Variants in RRM2 observed in about 807,000 individuals in gnomAD.
The protein encoded by RRM2 is ribonucleoside-diphosphate reductase subunit M2.
A neutral mutation model predicts 45.9 loss-of-function variants in RRM2; 6 were observed. That is an observed-to-expected ratio of 0.13 (90% CI 0.07 to 0.26). The LOEUF (loss-of-function observed/expected upper bound fraction) is 0.26. Among genes scored for constraint, RRM2 ranks in the 10% least tolerant of loss-of-function variants. The pLI is 1.00. For synonymous variants in RRM2, 177 were observed against 173.0 expected (o/e 1.02, Z -0.18); for missense variants, 343 against 489.5 (o/e 0.70, Z 2.82).
chr2:10,201,992 A>G (rs1002129305), intron 3 of RRM2, among the ~76,000 whole-genome samples: 24 of 152,344 alleles, frequency 1.6e-4, no homozygotes, highest in African/African-American at 5.5e-4. Flanking sequence ...TTTGACCACA[A>G]GGTAAGATTT....
downstream of RRM2, among the ~76,000 whole-genome samples, chr2:10,134,775 G>C (rs1662963661): frequency 6.6e-6 from 1 of 152,208 alleles, no homozygotes; most frequent in South Asian, 2.1e-4. Context: ...GTGGACTTGT[G>C]AGTTGGAAGG....
At chr2:10,209,060 T>TCTTTCTTTCTTTC (rs1553330325) in intron 3 of RRM2, among the ~76,000 whole-genome samples, 11 of 144,472 alleles carry the variant, frequency 7.6e-5, no homozygotes, top group African/African-American at 2.3e-4. Context: ...TTTCTTTCTT[T>TCTTTCTTTCTTTC]TTTTTTTTTT....
intron 3 of RRM2, among the ~76,000 whole-genome samples, chr2:10,176,903 A>T (rs573409687): frequency 6.6e-6 from 1 of 152,270 alleles, no homozygotes; most frequent in East Asian, 1.9e-4. Context: ...AGGGTAGGCA[A>T]TTGTTTCACT....
At position 10,184,475 on chromosome 2, in the gene RRM2, G is replaced by A. The variant is rs374372371; in HGVS notation, n.483-25836G>A. Reference sequence around the variant, plus strand: ...ACCACAAAAGCAATGAAAGTCTCACGTTGTGGGAGGCCCTGAGTCCTGGGC... The same window carrying A: ...ACCACAAAAGCAATGAAAGTCTCACATTGTGGGAGGCCCTGAGTCCTGGGC... On this transcript the variant is annotated intron_variant and non_coding_transcript_variant, in intron 3 of 3. Transcript: ENST00000381786. 2.0e-4 allele frequency among the ~76,000 whole-genome samples: 31 copies of A among 152,370 alleles called. 2 individuals carry two copies. The highest frequency in any genetic ancestry group is 1.2e-3 in the Admixed American group (19 of 15,302).
At position 10,123,449 on chromosome 2, in the gene RRM2, C is replaced by G; in HGVS notation, c.237C>G (p.Arg79=). ...DEPLLRENPR[R]FVIFPIEYHD... ...CGCTGCTGAGAGAAAACCCCCGCCG[C>G]TTTGTCATCTTCCCCATCGAGTACC... The change falls in exon 3 of 10, where the codon CGC becomes CGG. Residue 79 remains arginine, a synonymous_variant. Transcript: ENST00000304567. 1 of 1,614,212 alleles carries G rather than the reference C, an allele frequency of 6.2e-7. No individual in the cohort carries two copies. The highest frequency in any genetic ancestry group is 8.5e-7 in the Non-Finnish European group (1 of 1,180,032).
At position 10,191,277 on chromosome 2, in the gene RRM2, C is replaced by T. The variant is rs1032588491; in HGVS notation, n.483-19034C>T. Reference sequence around the variant, plus strand: ...TGGGGCAGCGTGGCCTTGGTCACAGCAGAATGCTGGGTTCTGACATTTATG... The same window carrying T: ...TGGGGCAGCGTGGCCTTGGTCACAGTAGAATGCTGGGTTCTGACATTTATG... On this transcript the variant is annotated intron_variant and non_coding_transcript_variant, in intron 3 of 3. Transcript: ENST00000381786. Among the ~76,000 whole-genome samples, 3 of 152,202 alleles carry T rather than the reference C, an allele frequency of 2.0e-5. 1 individual carries two copies. In the South Asian group the frequency reaches 6.2e-4, roughly 32 times the overall value.
Position 10,131,197 on chromosome 2 carries a change from A to C in RRM2, c.*1811A>C, listed in dbSNP as rs1415046382. 6.6e-6 allele frequency: 1 copy of C among 151,994 alleles called. No homozygotes were observed. The highest frequency in any genetic ancestry group is 1.5e-5 in the Non-Finnish European group (1 of 67,902). 9.4% of individuals were successfully genotyped at this position (151,994 alleles called of 1,614,324 possible). A position where few individuals can be genotyped will look rare whatever the true frequency, so the allele number is the denominator to read the frequency against. On this transcript the variant is annotated 3_prime_UTR_variant, in exon 10 of 10. Coordinates refer to ENST00000304567, the MANE Select transcript of RRM2 (RefSeq NM_001034.4). Reference sequence around the variant, plus strand: ...GATTATATGGTCCTTATATGTGTACAACATTAAAATGAAAGGCTTTGTCTT... The same window carrying C: ...GATTATATGGTCCTTATATGTGTACCACATTAAAATGAAAGGCTTTGTCTT...
downstream of RRM2, among the ~76,000 whole-genome samples, chr2:10,134,589 G>A (rs1164257888): frequency 6.6e-6 from 1 of 152,160 alleles, no homozygotes; most frequent in Non-Finnish European, 1.5e-5. Context: ...CCCACAGGTG[G>A]GGTTCACACT....
intron 1 of RRM2, 24 bp downstream of exon 1, chr2:10,122,921 C>CG: frequency 6.4e-7 from 1 of 1,557,258 alleles, no homozygotes; most frequent in African/African-American, 1.3e-5. Context: ...GAGGGCGCTG[C>CG]GGGCAGGGGA....
In RRM2 at chr2:10,127,720, G is replaced by A. The variant is rs1452199523; in HGVS notation, c.798+500G>A. ...AACTCCTGACCTCAGGTGATCAGGT[G>A]ATCCACCCGCCTCGGCCTCCCAGAG... On this transcript the variant is annotated intron_variant, in intron 7 of 9. Coordinates refer to ENST00000304567, the MANE Select transcript of RRM2 (RefSeq NM_001034.4). The surrounding 1 kb of genome is among the most constrained non-coding windows in gnomAD (Gnocchi z 4.1). 1.3e-5 allele frequency among the ~76,000 whole-genome samples: 2 copies of A among 152,008 alleles called. No individual in the cohort carries two copies. The highest frequency in any genetic ancestry group is 3.9e-4 in the East Asian group (2 of 5,136).
chr2:10,143,060 A>C (rs148458643), intron 3 of RRM2, among the ~76,000 whole-genome samples: 1 of 152,138 alleles, frequency 6.6e-6, no homozygotes, highest in African/African-American at 2.4e-5. Context: ...TTTTTAGTAG[A>C]GACAGAGTTT....
At chr2:10,175,754 G>A (rs559633175) in intron 3 of RRM2, among the ~76,000 whole-genome samples, 2 of 136,878 alleles carry the variant, frequency 1.5e-5, no homozygotes, top group South Asian at 2.7e-4. Flanking sequence ...ACACCACCAC[G>A]CTCAGCTAAT....
exon 4 of RRM2, chr2:10,210,619 A>G (rs1558410538): frequency 2.2e-6 from 3 of 1,358,698 alleles, no homozygotes; most frequent in Non-Finnish European, 2.9e-6. Flanking sequence ...GCTGCTTTCA[A>G]TCACACCCAC....
At chr2:10,141,646 G>A in intron 1 of RRM2, 2 of 651,400 alleles carry the variant, frequency 3.1e-6, no homozygotes, top group Admixed American at 3.0e-5. Flanking sequence ...AGGAGGGTAT[G>A]ATTAGCTCTG....
At chr2:10,188,121 G>A (rs1664207952) in intron 3 of RRM2, among the ~76,000 whole-genome samples, 2 of 152,310 alleles carry the variant, frequency 1.3e-5, no homozygotes, top group African/African-American at 4.8e-5. Flanking sequence ...TGAGGACCCC[G>A]AGCTGCAGCC....
At chr2:10,180,774 T>G (rs1475466487) in intron 3 of RRM2, among the ~76,000 whole-genome samples, 3 of 152,158 alleles carry the variant, frequency 2.0e-5, no homozygotes, top group Non-Finnish European at 2.9e-5. Flanking sequence ...TATTTATTTA[T>G]TTTTTTGAGA....
At position 10,171,841 on chromosome 2, in the gene RRM2, G is replaced by A. The variant is rs1663813298; in HGVS notation, n.482+29466G>A. Among the ~76,000 whole-genome samples the A allele has an allele frequency of 1.3e-5, 2 of 152,206 alleles. No individual in the cohort carries two copies. Among genetic ancestry groups the A allele is most frequent in the African/African-American group, 4.8e-5 (2 of 41,446 alleles). On this transcript the variant is annotated intron_variant and non_coding_transcript_variant, in intron 3 of 3. Transcript: ENST00000381786. This position sits in a 1 kb window ranked among gnomAD's most constrained non-coding sequence, Gnocchi z 4.1. The stretch of plus-strand genomic sequence containing the variant: ...CAGTTATGTGTCAGGCACTGTTCTG[G>A]ACACGAGGTCTCAGGAACAAACAAA...
intron 3 of RRM2, among the ~76,000 whole-genome samples, chr2:10,158,884 C>G (rs1385012314): frequency 6.6e-6 from 1 of 152,152 alleles, no homozygotes; most frequent in Admixed American, 6.5e-5. Context: ...CAGGCAGAAG[C>G]TGACACTGAC....
intron 3 of RRM2, among the ~76,000 whole-genome samples, chr2:10,198,380 A>C (rs1664458697): frequency 6.6e-6 from 1 of 151,506 alleles, no homozygotes; most frequent in Non-Finnish European, 1.5e-5. Flanking sequence ...CCTGCTGCCA[A>C]GCTGAGTCTC....
Sources: allele counts gnomAD v4.1 joint callset (sites outside exome capture counted in the v4.1 genomes callset), GRCh38; gene constraint gnomAD v4.1.1; non-coding constraint Gnocchi (gnomAD v3.1); transcripts MANE v1.5; gene names NCBI Gene and HGNC (gene_info 2026-07-23, HGNC 2026-07-21).